Variants in AGBL1 observed in about 807,000 individuals in gnomAD.
AGBL1 encodes the protein cytosolic carboxypeptidase 4.
A neutral mutation model predicts 118.9 loss-of-function variants in AGBL1; 130 were observed. The ratio of observed to expected loss-of-function variants is 1.09; its 90% CI spans 0.95 to 1.26. AGBL1 has a LOEUF of 1.26. Ranked by LOEUF, AGBL1 falls within the 50% of genes most tolerant of loss-of-function variation. AGBL1 has a pLI of 0.00. For synonymous variants in AGBL1, 555 were observed against 478.9 expected (o/e 1.16, Z -2.08); for missense variants, 1,584 against 1,298.1 (o/e 1.22, Z -3.38).
intron 20 of AGBL1, among the ~76,000 whole-genome samples, chr15:86,547,585 G>A (rs1425204093): frequency 1.3e-5 from 2 of 152,000 alleles, no homozygotes; most frequent in African/African-American, 4.8e-5. Context: ...ACATTTTGAG[G>A]CCCAGATTAG....
intron 5 of AGBL1, among the ~76,000 whole-genome samples, chr15:86,167,125 C>T (rs1052159271): frequency 6.6e-6 from 1 of 152,080 alleles, no homozygotes; most frequent in Non-Finnish European, 1.5e-5. Flanking sequence ...ACTGTAACCA[C>T]CTACAAATAT....
In AGBL1 at chr15:86,269,488, G is replaced by T. The variant is rs181047853; in HGVS notation, c.1839-431G>T. 5.5e-3 allele frequency among the ~76,000 whole-genome samples: 840 copies of T among 152,188 alleles called. 5 individuals are homozygous for T. The highest frequency in any genetic ancestry group is 0.02 in the African/African-American group (812 of 41,526). On this transcript the variant is annotated intron_variant, in intron 13 of 22. Coordinates refer to ENST00000614907, the MANE Select transcript of AGBL1 (RefSeq NM_001386094.1). ...TCATTATAGTTTAATAAAAAGGTGT[G>T]CTAATATTTCAAAATAGTAAAAAGA...
At chr15:86,731,641 G>C (rs2077529134) in intron 22 of AGBL1, among the ~76,000 whole-genome samples, 1 of 152,176 alleles carries the variant, frequency 6.6e-6, no homozygotes, top group South Asian at 2.1e-4. Flanking sequence ...AAGCCAACAA[G>C]ATACAAAGAT....
intron 18 of AGBL1, among the ~76,000 whole-genome samples, chr15:86,502,467 A>G (rs2082928973): frequency 6.6e-6 from 1 of 151,454 alleles, no homozygotes; most frequent in African/African-American, 2.4e-5. Context: ...CCACAATACA[A>G]TGTTGAATAG....
chr15:86,519,307 C>T (rs192917424), intron 18 of AGBL1, among the ~76,000 whole-genome samples: 27 of 152,228 alleles, frequency 1.8e-4, no homozygotes, highest in Non-Finnish European at 7.4e-5. Flanking sequence ...GAGAGAGGAC[C>T]ACTTTTCAGA....
rs1000594898 is a variant in AGBL1, at chr15:86,548,580, G to T, written c.2817+2447G>T. Among the ~76,000 whole-genome samples, 21 of 151,816 alleles carry T rather than the reference G, an allele frequency of 1.4e-4. 1 individual carries two copies. Among genetic ancestry groups the T allele is most frequent in the African/African-American group, 5.1e-4 (21 of 41,302 alleles). On this transcript the variant is annotated intron_variant, in intron 20 of 22. Transcript: ENST00000614907. Reference sequence around the variant, plus strand: ...AGGGGTCTGTAACCTTCTTGACTGGGGCTGCTCCTGACACCACTCTATGTG... The same window carrying T: ...AGGGGTCTGTAACCTTCTTGACTGGTGCTGCTCCTGACACCACTCTATGTG...
chr15:86,300,070 A>G (rs80047900), intron 17 of AGBL1, among the ~76,000 whole-genome samples: 3,057 of 152,126 alleles, frequency 0.02, 107 homozygotes, highest in African/African-American at 0.063. Flanking sequence ...TGGCCTTCCT[A>G]TACTTGTTGT....
intron 6 of AGBL1, among the ~76,000 whole-genome samples, chr15:86,225,243 G>A (rs1403154398): frequency 6.6e-6 from 1 of 151,760 alleles, no homozygotes; most frequent in Non-Finnish European, 1.5e-5. Flanking sequence ...ATTGACTACT[G>A]TGGAGCTGAT....
chr15:86,713,304 A>T (rs1176521774), intron 22 of AGBL1, among the ~76,000 whole-genome samples: 2 of 152,218 alleles, frequency 1.3e-5, no homozygotes, highest in African/African-American at 4.8e-5. Context: ...GTGGAGCAGA[A>T]GAGAGCATTG....
At chr15:86,634,518 A>G (rs2085044750) in intron 21 of AGBL1, among the ~76,000 whole-genome samples, 1 of 152,152 alleles carries the variant, frequency 6.6e-6, no homozygotes, top group Admixed American at 6.5e-5. Context: ...ATCTATATAG[A>G]GAGAAAGTGG....
intron 21 of AGBL1, among the ~76,000 whole-genome samples, chr15:86,638,812 G>A (rs2085145105): frequency 6.6e-6 from 1 of 152,314 alleles, no homozygotes; most frequent in East Asian, 1.9e-4. Flanking sequence ...TTATCTCATA[G>A]TTTCTGTGGG....
chr15:86,519,152 A>C (rs536362131), intron 18 of AGBL1, among the ~76,000 whole-genome samples: 3 of 152,222 alleles, frequency 2.0e-5, no homozygotes, highest in African/African-American at 7.2e-5. Context: ...ACCTCCATGG[A>C]TATCAAAATT....
chr15:86,857,262 T>C (rs1281228940), intron 22 of AGBL1, among the ~76,000 whole-genome samples: 1 of 152,166 alleles, frequency 6.6e-6, no homozygotes, highest in Non-Finnish European at 1.5e-5. Flanking sequence ...ACAGTGAACT[T>C]AAAAACTGCA....
chr15:86,704,146 G>A (rs1434769827), intron 22 of AGBL1, among the ~76,000 whole-genome samples: 1 of 152,142 alleles, frequency 6.6e-6, no homozygotes, highest in Non-Finnish European at 1.5e-5. Flanking sequence ...AACTCAAGAT[G>A]CATAAAGACT....
intron 4 of AGBL1, 119 bp downstream of exon 4, chr15:86,154,680 C>T: frequency 4.8e-6 from 6 of 1,239,546 alleles, no homozygotes; most frequent in Non-Finnish European, 6.4e-6. Context: ...ATGGTGGTCC[C>T]AGCCAGATAA....
intron 22 of AGBL1, among the ~76,000 whole-genome samples, chr15:86,718,645 T>C: frequency 6.6e-6 from 1 of 152,000 alleles, no homozygotes; most frequent in East Asian, 1.9e-4. Context: ...GATGGAGGCA[T>C]CCGATGAGAA....
Position 86,264,731 on chromosome 15 carries a change from A to C in AGBL1, c.1560A>C (p.Arg520Ser). ...DPYLYMAKAR[R>S]TSSVVDFKMM... is the part of the protein sequence containing the mutation. ...ATCTTTATATGGCCAAAGCCAGAAGAACCAGCTCTGTGGTGGACTTCAAGA... is the reference window on the plus strand; with the variant it reads ...ATCTTTATATGGCCAAAGCCAGAAGCACCAGCTCTGTGGTGGACTTCAAGA... The change falls in exon 11 of 23, where the codon AGA becomes AGC. Residue 520 changes from arginine (R) to serine (S), a missense_variant. By Grantham distance (110) the Arg-to-Ser change is moderately radical. Coordinates refer to ENST00000614907, the MANE Select transcript of AGBL1 (RefSeq NM_001386094.1). 6.2e-7 allele frequency: 1 copy of C among 1,614,020 alleles called. No individual in the cohort carries two copies. Among genetic ancestry groups the C allele is most frequent in the Non-Finnish European group, 8.5e-7 (1 of 1,179,888 alleles).
chr15:86,380,353 C>T (rs1173422880), intron 17 of AGBL1, among the ~76,000 whole-genome samples: 2 of 150,394 alleles, frequency 1.3e-5, no homozygotes, highest in South Asian at 2.1e-4. Context: ...GGTGCAATCT[C>T]GGCTCACTGC....
At chr15:86,773,996 A>G (rs2078217555) in intron 22 of AGBL1, among the ~76,000 whole-genome samples, 1 of 152,082 alleles carries the variant, frequency 6.6e-6, no homozygotes, top group African/African-American at 2.4e-5. Context: ...GGTGTCGGCA[A>G]GCCCCAATGA....
Sources: gnomAD v4.1 joint callset for allele counts (sites outside exome capture counted in the v4.1 genomes callset) on GRCh38, gnomAD v4.1.1 for gene constraint, MANE v1.5 for transcripts, NCBI Gene and HGNC (gene_info 2026-07-23, HGNC 2026-07-21) for gene names.